KIF7: variants seen among roughly 807,000 people sequenced by gnomAD.
KIF7 encodes kinesin-like protein KIF7.
Under a neutral mutation model 135.7 loss-of-function variants are expected in KIF7, and 104 were observed. The ratio of observed to expected loss-of-function variants is 0.77; its 90% CI spans 0.65 to 0.90. KIF7 has a LOEUF of 0.90. Ranked by LOEUF, KIF7 falls within the 40% of genes least tolerant of loss-of-function variation. The pLI is 0.00. For synonymous variants in KIF7, 883 were observed against 809.4 expected (o/e 1.09, Z -1.54); for missense variants, 2,005 against 1,839.1 (o/e 1.09, Z -1.65).
chr15:89,628,254 G>A lies in KIF7; in HGVS notation c.*165C>T, dbSNP rs980696866. 2 of 782,888 alleles carry A rather than the reference G, an allele frequency of 2.6e-6. No homozygotes were observed. Among genetic ancestry groups the A allele is most frequent in the Non-Finnish European group, 4.0e-6 (2 of 500,406 alleles). The allele number at this position is 782,888 out of a possible 1,614,324, so 48.5% of individuals were successfully genotyped here. ...TATTATTTTGTTAAATGAGGGTCCAGTTCTTTTGGGCCATGGCCCAAATTT... is the reference window on the plus strand; with the variant it reads ...TATTATTTTGTTAAATGAGGGTCCAATTCTTTTGGGCCATGGCCCAAATTT... On this transcript the variant is annotated 3_prime_UTR_variant, in exon 19 of 19. Coordinates refer to ENST00000394412, the MANE Select transcript of KIF7 (RefSeq NM_198525.3).
chr15:89,652,981 C>T (rs1384336328), intron 1 of KIF7, 27 bp from the exon 2 acceptor site: 1 of 1,436,454 alleles, frequency 7.0e-7, no homozygotes, highest in African/African-American at 1.4e-5. Context: ...AAGCCCTGGC[C>T]ATCAGCACTT....
intron 1 of KIF7, among the ~76,000 whole-genome samples, chr15:89,654,763 G>C (rs2142040026): frequency 6.6e-6 from 1 of 152,218 alleles, no homozygotes; most frequent in Non-Finnish European, 1.5e-5. Flanking sequence ...CTCCTACCGC[G>C]TTCCTCACCC....
intron 2 of KIF7, among the ~76,000 whole-genome samples, chr15:89,651,422 T>A (rs568821212): frequency 6.6e-6 from 1 of 151,658 alleles, no homozygotes; most frequent in East Asian, 1.9e-4. Context: ...TTAGTAGAGA[T>A]GGGGTTTTGC....
rs75748964 is a variant in KIF7 at position 89,641,172 on chromosome 15, C to G, written c.2394+1031G>C. 2.5e-4 allele frequency among the ~76,000 whole-genome samples: 38 copies of G among 152,072 alleles called. No individual in the cohort carries two copies. The East Asian group carries it at 7.2e-3, about 29-fold the overall frequency. The stretch of plus-strand genomic sequence containing the variant: ...TTAAATGAGGACATTAGGGTGGGCC[C>G]TAATCCAGTATGACCAGGGTCCTCA... On this transcript the variant is annotated intron_variant, in intron 11 of 18. Transcript: ENST00000394412.
intron 5 of KIF7, 65 bp downstream of exon 5, chr15:89,648,190 C>G: frequency 1.3e-5 from 18 of 1,396,010 alleles, no homozygotes; most frequent in Non-Finnish European, 1.7e-5. Context: ...TCTGAAGACC[C>G]TCTTCCTTCC....
Position 89,633,218 on chromosome 15 carries a change from T to C in KIF7, c.2641A>G (p.Thr881Ala). Residue 881 changes from threonine to alanine, a missense_variant, in exon 13 of 19, where the codon ACG becomes GCG. By Grantham distance (58) the Thr-to-Ala change is moderately conservative. Transcript: ENST00000394412. ...CTCTGGAATGCCGCGATCTCTTCCG[T>C]CTTAATCTTCAGGATCTTCTGCTGT... ...EQQQKILKIK[T>A]EEIAAFQRKR... is the part of the protein sequence containing the mutation. 1 of 1,594,796 alleles carries C rather than the reference T, an allele frequency of 6.3e-7. No individual in the cohort carries two copies. Among genetic ancestry groups the C allele is most frequent in the Non-Finnish European group, 8.5e-7 (1 of 1,173,218 alleles).
chr15:89,643,397 A>G (rs1275451905), intron 10 of KIF7, among the ~76,000 whole-genome samples: 3 of 152,362 alleles, frequency 2.0e-5, no homozygotes, highest in Non-Finnish European at 4.4e-5. Flanking sequence ...TGTAAATACT[A>G]TACCACATTA....
At chr15:89,662,991 G>C in the KIF7 span, among the ~76,000 whole-genome samples, 1 of 152,236 alleles carries the variant, frequency 6.6e-6, no homozygotes, top group African/African-American at 2.4e-5. Context: ...GCCCAGGGCT[G>C]GGTGAAGGAA....
At position 89,633,834 on chromosome 15, in the gene KIF7, G is replaced by A; in HGVS notation, c.2444C>T (p.Ala815Val). Reference protein sequence around the residue: ...QATERLVSLSAQSEKRLQELE... With the variant: ...QATERLVSLSVQSEKRLQELE... The stretch of plus-strand genomic sequence containing the variant: ...CTCCTGCAGTCGCTTCTCACTCTGG[G>A]CCGACAGTGACACCAGCCGCTCCGT... Residue 815 changes from alanine to valine, a missense_variant, in exon 12 of 19, where the codon GCC becomes GTC. Transcript: ENST00000394412. 7.4e-6 allele frequency: 12 copies of A among 1,613,426 alleles called. No individual in the cohort carries two copies. Among genetic ancestry groups the A allele is most frequent in the Non-Finnish European group, 9.3e-6 (11 of 1,180,032 alleles).
At chr15:89,632,417 TC>T (rs988432607) in intron 14 of KIF7, among the ~76,000 whole-genome samples, 10 of 152,170 alleles carry the variant, frequency 6.6e-5, no homozygotes, top group Non-Finnish European at 8.8e-5. Flanking sequence ...TACCTGCGCC[TC>T]CTCATTCTTC....
rs1278014219 is a variant in KIF7 at position 89,648,645 on chromosome 15, G to T, written c.1053C>A (p.Asn351Lys). 1 of 1,535,816 alleles carries T rather than the reference G, an allele frequency of 6.5e-7. No individual in the cohort carries two copies. The highest frequency in any genetic ancestry group is 8.7e-7 in the Non-Finnish European group (1 of 1,146,272). ...CGGGCCGCCAGTTGACCGTGGCGCG[G>T]TTGCGGATGTTCTGGGCGCGGCTGG... ...NYASRAQNIR[N>K]RATVNWRPEA... is the part of the protein sequence containing the mutation. The change falls in exon 5 of 19, where the codon AAC becomes AAA. Residue 351 changes from asparagine to lysine, a missense_variant. By Grantham distance (94) the Asn-to-Lys change is moderately conservative. Transcript: ENST00000394412.
Position 89,631,533 on chromosome 15 carries a change from C to G in KIF7, c.3073G>C (p.Asp1025His). 1 of 1,583,328 alleles carries G rather than the reference C, an allele frequency of 6.3e-7. No individual in the cohort carries two copies. Among genetic ancestry groups the G allele is most frequent in the Non-Finnish European group, 8.6e-7 (1 of 1,164,014 alleles). Residue 1025 changes from aspartate (D) to histidine (H), a missense_variant, in exon 15 of 19, where the codon GAC becomes CAC. Coordinates refer to ENST00000394412, the MANE Select transcript of KIF7 (RefSeq NM_198525.3). ...AGACTCCCCTGCCTCAGCTTGCCGT[C>G]GATCTCCAGGCGCTGCTTGAGCAGC... is the stretch of plus-strand genomic sequence containing the variant. ...DSLLKQRLEIDGKLRQGSLLS... is the reference protein window; with the variant it reads ...DSLLKQRLEIHGKLRQGSLLS...
At chr15:89,623,856 A>G, downstream of KIF7, 1 of 1,614,020 alleles carries the variant, frequency 6.2e-7, no homozygotes, top group Non-Finnish European at 8.5e-7. Flanking sequence ...ATACCCAGGC[A>G]GGAGAAGGTA....
intron 10 of KIF7, 138 bp from the exon 11 acceptor site, chr15:89,642,543 T>G: frequency 1.6e-6 from 1 of 615,256 alleles, no homozygotes; most frequent in Non-Finnish European, 2.8e-6. Flanking sequence ...GTACCACAGT[T>G]TACTTAATAT....
At chr15:89,635,369 AAATT>A in intron 11 of KIF7, among the ~76,000 whole-genome samples, 1 of 152,376 alleles carries the variant, frequency 6.6e-6, no homozygotes, top group Admixed American at 6.5e-5. Context: ...TCAGATGATC[AAATT>A]ATTCCGAGCT....
chr15:89,634,835 G>A (rs1292983801), intron 11 of KIF7, among the ~76,000 whole-genome samples: 10 of 152,210 alleles, frequency 6.6e-5, no homozygotes, highest in African/African-American at 2.2e-4. Context: ...ACAGCTCAAG[G>A]AGGCCTGCCT....
Position 89,646,937 on chromosome 15 carries a change from G to T in KIF7, c.1681C>A (p.Pro561Thr), listed in dbSNP as rs1325092086. The T allele has an allele frequency of 1.2e-6, 2 of 1,613,790 alleles. No homozygotes were observed. The highest frequency in any genetic ancestry group is 2.7e-5 in the African/African-American group (2 of 74,892). The change falls in exon 7 of 19, where the codon CCT (proline) becomes ACT (threonine). Residue 561 changes from proline (P) to threonine (T), a missense_variant. By Grantham distance (38) the Pro-to-Thr change is conservative (BLOSUM62 -1). Transcript: ENST00000394412. ...LNGLPPGSFV[P>T]RPHTAPLGGA... is the part of the protein sequence containing the mutation. ...CCCAGGGGGGCTGTATGAGGTCGAGGCACAAAGGACCCGGGAGGCAGGCCA... is the reference window on the plus strand; with the variant it reads ...CCCAGGGGGGCTGTATGAGGTCGAGTCACAAAGGACCCGGGAGGCAGGCCA...
intron 7 of KIF7, among the ~76,000 whole-genome samples, chr15:89,646,453 C>A (rs573556492): frequency 1.3e-5 from 2 of 152,140 alleles, no homozygotes; most frequent in African/African-American, 4.8e-5. Context: ...AGGTTCCCCA[C>A]GTGGAAAAGT....
At chr15:89,650,429 C>T (rs116003076) in intron 2 of KIF7, among the ~76,000 whole-genome samples, 2,700 of 152,184 alleles carry the variant, frequency 0.018, 91 homozygotes, top group African/African-American at 0.062. Flanking sequence ...GTTTTGCTCT[C>T]GTTGCCCAAG....
Sources: allele counts gnomAD v4.1 joint callset (sites outside exome capture counted in the v4.1 genomes callset), GRCh38; gene constraint gnomAD v4.1.1; transcripts MANE v1.5; gene names NCBI Gene and HGNC (gene_info 2026-07-23, HGNC 2026-07-21).